AGBL2: variants seen among roughly 807,000 people sequenced by gnomAD.
AGBL2 encodes the protein AGBL carboxypeptidase 2, also known as cytosolic carboxypeptidase 2.
In AGBL2, 87 loss-of-function variants were observed where a neutral mutation model predicts 103.0. That is an observed-to-expected ratio of 0.84 (90% CI 0.71 to 1.01). The LOEUF (loss-of-function observed/expected upper bound fraction) is 1.01. Among genes scored for constraint, AGBL2 ranks in the 50% least tolerant of loss-of-function variants. The pLI, the probability that AGBL2 is intolerant of heterozygous loss-of-function variation, is 0.00. For synonymous variants in AGBL2, 335 were observed against 356.7 expected (o/e 0.94, Z 0.69); for missense variants, 904 against 1,023.5 (o/e 0.88, Z 1.59).
intron 6 of AGBL2, 50 bp from the exon 7 acceptor site, chr11:47,704,778 A>G (rs1402408670): frequency 6.9e-6 from 10 of 1,457,834 alleles, no homozygotes; most frequent in Non-Finnish European, 8.6e-6. Context: ...CCTCCTTGGG[A>G]ACTTTACTGC....
chr11:47,667,449 T>C (rs1409429771), intron 16 of AGBL2, 122 bp downstream of exon 16: 7 of 1,249,328 alleles, frequency 5.6e-6, no homozygotes, highest in Non-Finnish European at 6.7e-6. Context: ...AAACAGAAAG[T>C]CTCCCTCTGC....
At position 47,690,538 on chromosome 11, in the gene AGBL2, C is replaced by A. The variant is rs751140887; in HGVS notation, c.1169G>T (p.Cys390Phe). The stretch of plus-strand genomic sequence containing the variant: ...ATATGGGTAGAAGTGTGCAAAGAAG[C>A]AAGTGTCCTGGTCATATGGAAACTG... ...TIQFPYDQDT[C>F]FFAHFYPYTY... Residue 390 changes from cysteine to phenylalanine, a missense_variant, in exon 10 of 19, where the codon TGC becomes TTC. Transcript: ENST00000525123. The A allele has an allele frequency of 6.2e-7, 1 of 1,614,132 alleles. No individual in the cohort carries two copies. Among genetic ancestry groups the A allele is most frequent in the South Asian group, 1.1e-5 (1 of 91,082 alleles).
intron 9 of AGBL2, 24 bp downstream of exon 9, chr11:47,692,079 T>G: frequency 3.1e-6 from 5 of 1,599,436 alleles, no homozygotes; most frequent in Non-Finnish European, 4.3e-6. Context: ...CCAATTATCA[T>G]CCCTTTGAGA....
chr11:47,666,067 A>G (rs1231602947), intron 17 of AGBL2, among the ~76,000 whole-genome samples: 2 of 151,842 alleles, frequency 1.3e-5, no homozygotes, highest in East Asian at 2.0e-4. Context: ...GTGAGCCACC[A>G]TGGCCGGACA....
intron 11 of AGBL2, among the ~76,000 whole-genome samples, chr11:47,682,618 A>C (rs977517918): frequency 2.6e-5 from 4 of 152,076 alleles, no homozygotes; most frequent in African/African-American, 9.7e-5. Flanking sequence ...TTACCCCCAT[A>C]ATCTCTGCCT....
chr11:47,695,600 C>T (rs2097466240), intron 8 of AGBL2, among the ~76,000 whole-genome samples: 1 of 151,436 alleles, frequency 6.6e-6, no homozygotes, highest in African/African-American at 2.4e-5. Context: ...CGGTGAAACC[C>T]TGTCTCCACT....
chr11:47,667,790 G>C (rs144424138), intron 15 of AGBL2, 94 bp from the exon 16 acceptor site: 15,597 of 1,385,676 alleles, frequency 0.011, 119 homozygotes, highest in Middle Eastern at 0.039. Flanking sequence ...AGACACAAAG[G>C]CTAACTCGGT....
In AGBL2 at chr11:47,660,104, C is replaced by T. The variant is rs2097324239; in HGVS notation, c.*69G>A. On this transcript the variant is annotated 3_prime_UTR_variant, in exon 19 of 19. Coordinates refer to ENST00000525123, the MANE Select transcript of AGBL2 (RefSeq NM_024783.4). ...AATGCAGTTCCCAGTCATACATCTCCCCCATTATAAAATGTGTCTAATCTC... is the reference window on the plus strand; with the variant it reads ...AATGCAGTTCCCAGTCATACATCTCTCCCATTATAAAATGTGTCTAATCTC... 6.7e-7 allele frequency: 1 copy of T among 1,497,496 alleles called. No individual in the cohort carries two copies. Among genetic ancestry groups the T allele is most frequent in the East Asian group, 2.3e-5 (1 of 43,980 alleles). The allele number at this position is 1,497,496 out of a possible 1,614,324, so 92.8% of individuals were successfully genotyped here.
intron 14 of AGBL2, among the ~76,000 whole-genome samples, chr11:47,672,370 AG>A (rs1472333728): frequency 6.6e-6 from 1 of 151,846 alleles, no homozygotes; most frequent in Non-Finnish European, 1.5e-5. Flanking sequence ...GTTGGAGTGC[AG>A]TAGTGCAATC....
chr11:47,677,008 A>G (rs1397105287), intron 14 of AGBL2, among the ~76,000 whole-genome samples: 1 of 151,872 alleles, frequency 6.6e-6, no homozygotes, highest in Non-Finnish European at 1.5e-5. Context: ...GGCAAAGAAT[A>G]TTCACTCTTT....
At chr11:47,681,529 A>G (rs1020251610) in intron 12 of AGBL2, among the ~76,000 whole-genome samples, 2 of 152,106 alleles carry the variant, frequency 1.3e-5, no homozygotes, top group Non-Finnish European at 2.9e-5. Flanking sequence ...GTGCAATGGC[A>G]CGATCTTGGC....
intron 8 of AGBL2, among the ~76,000 whole-genome samples, chr11:47,698,223 G>GAC (rs1459959295): frequency 7.1e-6 from 1 of 140,736 alleles, no homozygotes; most frequent in African/African-American, 2.7e-5. Flanking sequence ...GCCCAGGCTG[G>GAC]AGTGCATGGC....
chr11:47,677,537 T>C, intron 13 of AGBL2, 136 bp from the exon 14 acceptor site: 1 of 399,190 alleles, frequency 2.5e-6, no homozygotes, highest in Non-Finnish European at 3.7e-6. Flanking sequence ...CACTGCAACC[T>C]CTGTCTCCTG....
chr11:47,670,324 G>T (rs568521099), intron 14 of AGBL2, among the ~76,000 whole-genome samples: 22 of 151,794 alleles, frequency 1.4e-4, no homozygotes, highest in Non-Finnish European at 2.6e-4. Context: ...TACAAAAAAT[G>T]TTTTTTTTAA....
chr11:47,695,285 G>A (rs951821265), intron 8 of AGBL2, among the ~76,000 whole-genome samples: 2 of 152,108 alleles, frequency 1.3e-5, no homozygotes, highest in African/African-American at 4.8e-5. Flanking sequence ...GACCAGCCTG[G>A]CTGAAATAGT....
At chr11:47,697,598 T>G (rs1309707154) in intron 8 of AGBL2, among the ~76,000 whole-genome samples, 1 of 129,356 alleles carries the variant, frequency 7.7e-6, no homozygotes, top group African/African-American at 3.0e-5. Flanking sequence ...CAGGCTAGAG[T>G]GCAGTGGCGC....
intron 17 of AGBL2, among the ~76,000 whole-genome samples, chr11:47,664,480 C>T (rs2097335954): frequency 6.6e-6 from 1 of 150,454 alleles, no homozygotes; most frequent in African/African-American, 2.4e-5. Context: ...GGCGTGATCT[C>T]GGCTCACTGC....
At position 47,677,311 on chromosome 11, in the gene AGBL2, C is replaced by A. The variant is rs1387740844; in HGVS notation, c.2107G>T (p.Gly703Ter). The change falls in exon 14 of 19, where the codon GGA becomes TGA. Residue 703 changes from glycine to a stop codon, truncating the protein, a stop_gained. Transcript: ENST00000525123. LOFTEE classifies it high-confidence loss of function. ...HELGQDVDLE[G>*]SWSDISLSDI... Reference sequence around the variant, plus strand: ...GACAAAGAGATGTCACTCCAACTTCCTTCTAAATCTACATCTTGTCCAAGT... The same window carrying A: ...GACAAAGAGATGTCACTCCAACTTCATTCTAAATCTACATCTTGTCCAAGT... 1 of 1,608,614 alleles carries A rather than the reference C, an allele frequency of 6.2e-7. No individual in the cohort carries two copies. Among genetic ancestry groups the A allele is most frequent in the Non-Finnish European group, 8.5e-7 (1 of 1,178,126 alleles).
chr11:47,667,136 A>G, intron 16 of AGBL2, 73 bp from the exon 17 acceptor site: 1 of 1,039,434 alleles, frequency 9.6e-7, no homozygotes, highest in Non-Finnish European at 1.4e-6. Flanking sequence ...CAACAGCAAA[A>G]CTTGTACTTC....
Sources: gnomAD v4.1 joint callset for allele counts (sites outside exome capture counted in the v4.1 genomes callset) on GRCh38, gnomAD v4.1.1 for gene constraint, MANE v1.5 for transcripts, NCBI Gene and HGNC (gene_info 2026-07-23, HGNC 2026-07-21) for gene names.